The following SDK1 variants were observed in gnomAD, a reference collection of about 807,000 sequenced individuals.
SDK1 encodes the protein sidekick cell adhesion molecule 1, also known as protein sidekick-1.
SDK1 carries 157 observed loss-of-function variants against 245.5 expected under a neutral mutation model. The ratio of observed to expected loss-of-function variants is 0.64; its 90% CI spans 0.56 to 0.73. The LOEUF (loss-of-function observed/expected upper bound fraction) is 0.73, where lower values mean the gene tolerates loss of function less well. SDK1 is among the 30% of genes least tolerant of loss of function. SDK1 has a pLI of 0.00. For synonymous variants in SDK1, 1,647 were observed against 1,278.5 expected (o/e 1.29, Z -6.15); for missense variants, 3,583 against 3,002.3 (o/e 1.19, Z -4.52).
intron 1 of SDK1, among the ~76,000 whole-genome samples, chr7:3,446,915 A>C (rs962571342): frequency 6.6e-6 from 1 of 152,110 alleles, no homozygotes; most frequent in Admixed American, 6.5e-5. Flanking sequence ...TTTAGACATC[A>C]TGTAATTGGT....
chr7:3,862,058 C>A (rs750487791), intron 5 of SDK1, among the ~76,000 whole-genome samples: 2 of 152,200 alleles, frequency 1.3e-5, no homozygotes, highest in Non-Finnish European at 2.9e-5. Context: ...TTTGAAAAAG[C>A]TCCTTGCCAA....
At chr7:4,259,862 C>T (rs1401139978) in intron 44 of SDK1, among the ~76,000 whole-genome samples, 3 of 152,104 alleles carry the variant, frequency 2.0e-5, no homozygotes, top group South Asian at 2.1e-4. Flanking sequence ...TGGGTGAACC[C>T]GAGGGGTTGG....
chr7:4,113,978 A>T, intron 24 of SDK1, 59 bp from the exon 25 acceptor site: 3 of 1,458,872 alleles, frequency 2.1e-6, no homozygotes, highest in Non-Finnish European at 2.9e-6. Context: ...ATCCCTTACA[A>T]CCCGTGAGGG....
At chr7:3,668,571 CGAGACCAGCCTGGGCAA>C (rs1418223615) in intron 4 of SDK1, among the ~76,000 whole-genome samples, 7 of 152,150 alleles carry the variant, frequency 4.6e-5, no homozygotes, top group Non-Finnish European at 4.4e-5. Context: ...GTCAAGAGTT[CGAGACCAGCCTGGGCAA>C]GAGACCAGCC....
At chr7:3,349,201 CAAAA>C (rs72564315) in intron 1 of SDK1, among the ~76,000 whole-genome samples, 5 of 151,100 alleles carry the variant, frequency 3.3e-5, no homozygotes, top group East Asian at 3.9e-4. Context: ...AAAAAAACAA[CAAAA>C]AAAACACAAC....
intron 1 of SDK1, chr7:3,302,433 C>A (rs759829352): frequency 6.6e-6 from 1 of 152,270 alleles, no homozygotes; most frequent in Non-Finnish European, 1.5e-5. Context: ...GCAAAACTTT[C>A]AGTGCCCACA....
rs1262173783 is a variant in SDK1, at chr7:3,967,312, T to G, written c.1430-6T>G. The G allele has an allele frequency of 1.9e-6, 3 of 1,607,908 alleles. No homozygotes were observed. Among genetic ancestry groups the G allele is most frequent in the Admixed American group, 3.3e-5 (2 of 60,002 alleles). On this transcript the variant is annotated splice_polypyrimidine_tract_variant and splice_region_variant and intron_variant, in intron 9 of 44. Transcript: ENST00000404826. ...CCCTGATCATTTCATTTACTCCTCT[T>G]CTCAGATATCGCTCCAGTGTTCACC...
intron 5 of SDK1, among the ~76,000 whole-genome samples, chr7:3,854,996 C>T (rs1313541493): frequency 1.3e-5 from 2 of 152,126 alleles, no homozygotes; most frequent in Non-Finnish European, 2.9e-5. Flanking sequence ...ACAGTGTCCT[C>T]CAGACCCTGT....
intron 1 of SDK1, among the ~76,000 whole-genome samples, chr7:3,392,833 G>T (rs905382571): frequency 1.3e-5 from 2 of 151,902 alleles, no homozygotes; most frequent in South Asian, 2.1e-4. Context: ...CAGTGTATGC[G>T]TATATCGCAT....
intron 1 of SDK1, among the ~76,000 whole-genome samples, chr7:3,504,688 ACT>A (rs992294361): frequency 1.3e-5 from 2 of 151,946 alleles, no homozygotes; most frequent in African/African-American, 4.8e-5. Context: ...AAACTATGAA[ACT>A]CTCAGAGGAA....
At chr7:3,971,713 C>T (rs181864307) in intron 12 of SDK1, 145 bp downstream of exon 12, 21 of 658,844 alleles carry the variant, frequency 3.2e-5, no homozygotes, top group African/African-American at 1.1e-4. Context: ...TTGTGGGCAC[C>T]GTCATTAATC....
At chr7:3,341,335 T>G (rs777330293) in intron 1 of SDK1, among the ~76,000 whole-genome samples, 9 of 152,066 alleles carry the variant, frequency 5.9e-5, no homozygotes, top group Non-Finnish European at 8.8e-5. Flanking sequence ...TTCAGAAAAC[T>G]AGCAATAAAG....
intron 1 of SDK1, among the ~76,000 whole-genome samples, chr7:3,602,396 A>T (rs1015631590): frequency 6.6e-6 from 1 of 151,830 alleles, no homozygotes; most frequent in East Asian, 1.9e-4. Context: ...GGTATCTCAT[A>T]GTGGTTTTGA....
At chr7:3,790,045 C>A (rs1370641130) in intron 4 of SDK1, among the ~76,000 whole-genome samples, 1 of 152,082 alleles carries the variant, frequency 6.6e-6, no homozygotes, top group Non-Finnish European at 1.5e-5. Flanking sequence ...AGTTATTCAG[C>A]GGAGAAGTTG....
chr7:3,631,742 G>T (rs925938082), intron 2 of SDK1, among the ~76,000 whole-genome samples: 1 of 152,182 alleles, frequency 6.6e-6, no homozygotes, highest in Non-Finnish European at 1.5e-5. Flanking sequence ...ATTGGTAAAT[G>T]ATTTGGATTT....
intron 1 of SDK1, among the ~76,000 whole-genome samples, chr7:3,387,668 A>C (rs1362167615): frequency 6.6e-6 from 1 of 152,212 alleles, no homozygotes; most frequent in Non-Finnish European, 1.5e-5. Flanking sequence ...TTACACAACG[A>C]TGTGAATGTA....
At chr7:4,193,349 T>TATATATATTAAA in intron 35 of SDK1, among the ~76,000 whole-genome samples, 1 of 111,012 alleles carries the variant, frequency 9.0e-6, no homozygotes, top group African/African-American at 3.6e-5. Context: ...ATTTATATAA[T>TATATATATTAAA]ATATTTATAT....
intron 28 of SDK1, among the ~76,000 whole-genome samples, chr7:4,135,085 G>C (rs974784713): frequency 6.6e-6 from 1 of 152,202 alleles, no homozygotes; most frequent in Non-Finnish European, 1.5e-5. Context: ...AGTGAGGCCC[G>C]CTGTCCACTG....
chr7:4,248,573 T>C (rs955011961), intron 44 of SDK1, among the ~76,000 whole-genome samples: 2 of 151,898 alleles, frequency 1.3e-5, no homozygotes, highest in Non-Finnish European at 2.9e-5. Flanking sequence ...TACACCTGAA[T>C]ACATGCACAC....
Sources: gnomAD v4.1 joint callset for allele counts (sites outside exome capture counted in the v4.1 genomes callset) on GRCh38, gnomAD v4.1.1 for gene constraint, MANE v1.5 for transcripts, NCBI Gene and HGNC (gene_info 2026-07-23, HGNC 2026-07-21) for gene names.